Variants in SH3GL3 observed in about 807,000 individuals in gnomAD.
The protein encoded by SH3GL3 is SH3 domain containing GRB2 like 3, endophilin A3, also known as endophilin-A3.
SH3GL3 carries 33 observed loss-of-function variants against 47.7 expected under a neutral mutation model. That is an observed-to-expected ratio of 0.69 (90% CI 0.52 to 0.92). SH3GL3 has a LOEUF of 0.92. Ranked by LOEUF, SH3GL3 falls within the 40% of genes least tolerant of loss-of-function variation. The pLI is 0.00. For missense variants in SH3GL3, 363 were observed against 417.8 expected, an observed-to-expected ratio of 0.87 and a Z score of 1.14; for synonymous variants, 155 against 148.8, an observed-to-expected ratio of 1.04 and a Z score of -0.30.
intron 8 of SH3GL3, among the ~76,000 whole-genome samples, chr15:83,602,822 C>G (rs1177976668): frequency 6.6e-6 from 1 of 152,130 alleles, no homozygotes; most frequent in Non-Finnish European, 1.5e-5. Context: ...GTCTTTTATT[C>G]TGTGGGCTCC....
chr15:83,460,484 T>C (rs1324349625), intron 1 of SH3GL3, among the ~76,000 whole-genome samples: 1 of 152,168 alleles, frequency 6.6e-6, no homozygotes, highest in Non-Finnish European at 1.5e-5. Context: ...TTACAGTTTA[T>C]CTAAATGAGA....
chr15:83,603,351 G>A (rs963043143), intron 8 of SH3GL3, among the ~76,000 whole-genome samples: 26 of 152,192 alleles, frequency 1.7e-4, no homozygotes, highest in African/African-American at 6.3e-4. Flanking sequence ...CCATGTGCCT[G>A]TAAACACATT....
chr15:83,481,092 A>G (rs569154071), intron 1 of SH3GL3, among the ~76,000 whole-genome samples: 7 of 152,254 alleles, frequency 4.6e-5, no homozygotes, highest in South Asian at 2.1e-4. Flanking sequence ...GCTGGCCAAC[A>G]TGGCGAAACT....
At position 83,566,537 on chromosome 15, in the gene SH3GL3, G is replaced by A. The variant is rs192699410; in HGVS notation, c.187+1331G>A. Among the ~76,000 whole-genome samples, 1,071 of 152,300 alleles carry A rather than the reference G, an allele frequency of 7.0e-3. 16 individuals carry two copies. The highest frequency in any genetic ancestry group is 0.024 in the African/African-American group (997 of 41,562). On this transcript the variant is annotated intron_variant, in intron 3 of 8. Coordinates refer to ENST00000427482, the MANE Select transcript of SH3GL3 (RefSeq NM_003027.5). ...TGCCTGTAATCCCAGCACTTTGGGA[G>A]GCCAAGGCATGATGATTGCTTGAAG...
intron 1 of SH3GL3, among the ~76,000 whole-genome samples, chr15:83,553,574 T>A (rs538662026): frequency 1.3e-5 from 2 of 152,218 alleles, no homozygotes; most frequent in East Asian, 3.9e-4. Flanking sequence ...ATGGATACTA[T>A]GTTATAACAT....
chr15:83,488,608 A>G (rs2895929), intron 1 of SH3GL3, among the ~76,000 whole-genome samples: 128,719 of 152,186 alleles, frequency 0.85, 54,757 homozygotes, highest in African/African-American at 0.94. Context: ...CCTATCCTGA[A>G]TTGGTTAGAG....
intron 1 of SH3GL3, among the ~76,000 whole-genome samples, chr15:83,449,300 G>C (rs2039614760): frequency 6.6e-6 from 1 of 152,208 alleles, no homozygotes; most frequent in Non-Finnish European, 1.5e-5. Context: ...AAAGGCAGGA[G>C]CAATCAACAA....
chr15:83,474,050 C>T (rs985699860), intron 1 of SH3GL3, among the ~76,000 whole-genome samples: 10 of 151,978 alleles, frequency 6.6e-5, no homozygotes, highest in Non-Finnish European at 1.3e-4. Context: ...TATATAATGC[C>T]CGGGGTTTTA....
Position 83,591,861 on chromosome 15 carries a change from ATT to A in SH3GL3, c.838+3094_838+3095del, listed in dbSNP as rs566344261. Among the ~76,000 whole-genome samples, 744 of 151,844 alleles carry A rather than the reference ATT, an allele frequency of 4.9e-3. 7 individuals carry two copies. Among genetic ancestry groups the A allele is most frequent in the Non-Finnish European group, 4.8e-3 (328 of 67,902 alleles). ...ATACCGTGCCTGGCTAATTTTTTGT[ATT>A]TTTAATAGGGACGGGGTTTCACTGC... On this transcript the variant is annotated intron_variant, in intron 8 of 8. Coordinates refer to ENST00000427482, the MANE Select transcript of SH3GL3 (RefSeq NM_003027.5).
At chr15:83,597,860 G>A (rs1210938756) in intron 8 of SH3GL3, among the ~76,000 whole-genome samples, 12 of 152,064 alleles carry the variant, frequency 7.9e-5, no homozygotes, top group South Asian at 2.1e-4. Context: ...TGCCCAACTC[G>A]GCCTCCCGAA....
Position 83,618,116 on chromosome 15 carries a change from T to C in SH3GL3, c.873T>C (p.Arg291=), listed in dbSNP as rs762852696. The change falls in exon 9 of 9, where the codon CGT becomes CGC. Residue 291 remains arginine, a synonymous_variant. Coordinates refer to ENST00000427482, the MANE Select transcript of SH3GL3 (RefSeq NM_003027.5). ...SNIPMDQPCC[R]GLYDFEPENQ... is the part of the protein sequence containing the mutation. The stretch of plus-strand genomic sequence containing the variant: ...TTCCCATGGACCAGCCCTGCTGTCG[T>C]GGTCTCTATGACTTTGAGCCAGAAA... 3.1e-6 allele frequency: 5 copies of C among 1,613,904 alleles called. 1 individual carries two copies. The highest frequency in any genetic ancestry group is 3.3e-4 in the Middle Eastern group (2 of 6,062).
At chr15:83,592,845 A>G (rs575952179) in intron 8 of SH3GL3, among the ~76,000 whole-genome samples, 1 of 152,344 alleles carries the variant, frequency 6.6e-6, no homozygotes, top group East Asian at 1.9e-4. Flanking sequence ...TAAAAGTTAT[A>G]AAACTGGCTA....
intron 1 of SH3GL3, among the ~76,000 whole-genome samples, chr15:83,538,913 A>G (rs1233783038): frequency 1.3e-5 from 2 of 152,148 alleles, no homozygotes; most frequent in Non-Finnish European, 1.5e-5. Flanking sequence ...TTTTATGTTC[A>G]GCTTTAGTAG....
At chr15:83,484,025 G>A (rs1011644294) in intron 1 of SH3GL3, among the ~76,000 whole-genome samples, 5 of 152,282 alleles carry the variant, frequency 3.3e-5, no homozygotes, top group African/African-American at 1.2e-4. Context: ...TCATCTTTCT[G>A]TGTTTTAATG....
At position 83,618,073 on chromosome 15, in the gene SH3GL3, T is replaced by C. The variant is rs2060876249; in HGVS notation, c.839-9T>C. On this transcript the variant is annotated splice_polypyrimidine_tract_variant and intron_variant, in intron 8 of 8. Transcript: ENST00000427482. Reference sequence around the variant, plus strand: ...ATCTGTACTTTTTGTCTCCATATCATGTGGACAGGTTCTAACATTCCCATG... The same window carrying C: ...ATCTGTACTTTTTGTCTCCATATCACGTGGACAGGTTCTAACATTCCCATG... 5.0e-6 allele frequency: 8 copies of C among 1,591,050 alleles called. No individual in the cohort carries two copies. Among genetic ancestry groups the C allele is most frequent in the Middle Eastern group, 1.7e-4 (1 of 6,026 alleles).
At chr15:83,630,939 T>G in the SH3GL3 span, among the ~76,000 whole-genome samples, 1 of 152,180 alleles carries the variant, frequency 6.6e-6, no homozygotes, top group Non-Finnish European at 1.5e-5. Flanking sequence ...AAGTCTCATC[T>G]GAGACAAGGC....
chr15:83,606,538 A>G (rs1056912821), intron 8 of SH3GL3, among the ~76,000 whole-genome samples: 13 of 152,272 alleles, frequency 8.5e-5, no homozygotes, highest in Non-Finnish European at 1.3e-4. Context: ...TGTTTCTTAC[A>G]TTTCTCTTCT....
At chr15:83,516,807 G>C (rs770536132) in intron 1 of SH3GL3, among the ~76,000 whole-genome samples, 2 of 152,090 alleles carry the variant, frequency 1.3e-5, no homozygotes, top group Non-Finnish European at 2.9e-5. Flanking sequence ...ACTGTATCAG[G>C]AGGCATTCCT....
rs71156085 is a variant in SH3GL3 at position 83,541,312 on chromosome 15, A to ATTTTT, written c.46-17906_46-17902dup. 7.7e-3 allele frequency among the ~76,000 whole-genome samples: 365 copies of ATTTTT among 47,362 alleles called. 101 individuals are homozygous for ATTTTT. Among genetic ancestry groups the ATTTTT allele is most frequent in the East Asian group, 0.024 (26 of 1,088 alleles). The allele number at this position is 47,362 out of a possible 152,430, so 31.1% of individuals were successfully genotyped here. A position where few individuals can be genotyped will look rare whatever the true frequency, so the allele number is the denominator to read the frequency against. The stretch of plus-strand genomic sequence containing the variant: ...GATGGCTGGATCATATGGTAATTCT[A>ATTTTT]TTTTTTTTTTTTTTTTTTTTTTTTT... On this transcript the variant is annotated intron_variant, in intron 1 of 8. Coordinates refer to ENST00000427482, the MANE Select transcript of SH3GL3 (RefSeq NM_003027.5).
Sources: gnomAD v4.1 joint callset for allele counts (sites outside exome capture counted in the v4.1 genomes callset) on GRCh38, gnomAD v4.1.1 for gene constraint, MANE v1.5 for transcripts, NCBI Gene and HGNC (gene_info 2026-07-23, HGNC 2026-07-21) for gene names.